The following TBC1D5 variants were observed in gnomAD, a reference collection of about 807,000 sequenced individuals.
The protein encoded by TBC1D5 is TBC1 domain family member 5.
A neutral mutation model predicts 100.3 loss-of-function variants in TBC1D5; 75 were observed. The ratio of observed to expected loss-of-function variants is 0.75; its 90% CI spans 0.62 to 0.91. The LOEUF is 0.91. TBC1D5 is among the 40% of genes least tolerant of loss of function. The pLI, the probability that TBC1D5 is intolerant of heterozygous loss-of-function variation, is 0.00. For missense variants in TBC1D5, 910 were observed against 942.4 expected, an observed-to-expected ratio of 0.97 and a Z score of 0.45; for synonymous variants, 323 against 325.6, an observed-to-expected ratio of 0.99 and a Z score of 0.09.
chr3:17,707,555 C>G (rs916869254), intron 1 of TBC1D5, among the ~76,000 whole-genome samples: 3 of 152,042 alleles, frequency 2.0e-5, no homozygotes, highest in Non-Finnish European at 2.9e-5. Context: ...TAGAAGAAAT[C>G]TGTCATGTTT....
intron 13 of TBC1D5, among the ~76,000 whole-genome samples, chr3:17,369,188 A>C (rs2092334110): frequency 6.6e-6 from 1 of 152,166 alleles, no homozygotes; most frequent in African/African-American, 2.4e-5. Flanking sequence ...CACGGCTATT[A>C]TAAGTTTGCA....
At chr3:17,624,238 A>G (rs2062889690) in intron 1 of TBC1D5, among the ~76,000 whole-genome samples, 1 of 152,176 alleles carries the variant, frequency 6.6e-6, no homozygotes, top group Non-Finnish European at 1.5e-5. Flanking sequence ...AATTCTCTTT[A>G]TGTTTCTTGA....
chr3:17,603,163 T>G (rs1176442659), intron 2 of TBC1D5, among the ~76,000 whole-genome samples: 3 of 151,362 alleles, frequency 2.0e-5, no homozygotes, highest in Non-Finnish European at 4.4e-5. Context: ...TGGTTTTTTT[T>G]TTTTTTTTTT....
intron 13 of TBC1D5, among the ~76,000 whole-genome samples, chr3:17,359,451 G>T (rs1335108491): frequency 6.6e-6 from 1 of 151,988 alleles, no homozygotes; most frequent in Non-Finnish European, 1.5e-5. Flanking sequence ...TGTCCTTAAA[G>T]TAACTTTACA....
At chr3:17,582,597 A>T (rs754357042) in intron 2 of TBC1D5, among the ~76,000 whole-genome samples, 2 of 152,016 alleles carry the variant, frequency 1.3e-5, no homozygotes, top group African/African-American at 2.4e-5. Context: ...TGAGGTTGAG[A>T]AATGTCTTCA....
intron 14 of TBC1D5, 69 bp downstream of exon 14, chr3:17,307,923 T>G: frequency 1.1e-5 from 17 of 1,561,142 alleles, no homozygotes; most frequent in Non-Finnish European, 1.5e-5. Flanking sequence ...CAAAGTCTAT[T>G]TAAAAGGCAA....
rs2066745305 is a variant in TBC1D5 at position 17,167,479 on chromosome 3, C to CT, written c.1932+269dup. Among the ~76,000 whole-genome samples, 6 of 152,324 alleles carry CT rather than the reference C, an allele frequency of 3.9e-5. No homozygotes were observed. The South Asian group carries it at 1.2e-3, about 32-fold the overall frequency. On this transcript the variant is annotated intron_variant, in intron 20 of 21. Coordinates refer to ENST00000253692, the Ensembl canonical transcript of TBC1D5. ...TGAACATGATGCTGGTCTACCCACA[C>CT]TAGCTTTGGGTAAGGAACAAACAGA... is the stretch of plus-strand genomic sequence containing the variant.
intron 3 of TBC1D5, among the ~76,000 whole-genome samples, chr3:17,457,037 G>A (rs1459197884): frequency 1.3e-5 from 2 of 151,914 alleles, no homozygotes; most frequent in African/African-American, 4.8e-5. Context: ...TATTTTGGGG[G>A]GTAGAATCTT....
At chr3:17,575,909 T>C (rs1335190561) in intron 2 of TBC1D5, among the ~76,000 whole-genome samples, 3 of 152,258 alleles carry the variant, frequency 2.0e-5, no homozygotes, top group Middle Eastern at 3.4e-3. Flanking sequence ...ATTTAGAAAT[T>C]AAATTCTTGG....
intron 21 of TBC1D5, among the ~76,000 whole-genome samples, chr3:17,164,425 A>C (rs1005972380): frequency 1.3e-5 from 2 of 152,234 alleles, no homozygotes; most frequent in African/African-American, 4.8e-5. Flanking sequence ...TGGTGCTTAC[A>C]TCTCCAATGT....
intron 10 of TBC1D5, among the ~76,000 whole-genome samples, chr3:17,375,197 T>C (rs2092655535): frequency 6.6e-6 from 1 of 152,144 alleles, no homozygotes; most frequent in Non-Finnish European, 1.5e-5. Context: ...TTCAATCACC[T>C]ATATTTTTTT....
chr3:17,352,190 T>A (rs1036143661), intron 13 of TBC1D5, among the ~76,000 whole-genome samples: 3 of 152,138 alleles, frequency 2.0e-5, no homozygotes, highest in Non-Finnish European at 4.4e-5. Context: ...TATACATACA[T>A]CTATTTCACG....
chr3:17,730,989 T>C (rs2076506358), intron 1 of TBC1D5, among the ~76,000 whole-genome samples: 1 of 151,976 alleles, frequency 6.6e-6, no homozygotes, highest in African/African-American at 2.4e-5. Flanking sequence ...TATAGAGTAT[T>C]TGGCCAAACA....
intron 17 of TBC1D5, among the ~76,000 whole-genome samples, chr3:17,227,858 T>TG (rs1224641657): frequency 6.6e-6 from 1 of 151,970 alleles, no homozygotes; most frequent in African/African-American, 2.4e-5. Flanking sequence ...AAAAGTTTTT[T>TG]TTTTTTTTTT....
At chr3:17,480,424 T>C (rs1464806799) in intron 3 of TBC1D5, among the ~76,000 whole-genome samples, 2 of 152,200 alleles carry the variant, frequency 1.3e-5, no homozygotes, top group Non-Finnish European at 2.9e-5. Flanking sequence ...TGACAACTTA[T>C]GGTGCTTTTT....
intron 1 of TBC1D5, among the ~76,000 whole-genome samples, chr3:17,653,536 G>A (rs1440349097): frequency 6.6e-6 from 1 of 152,058 alleles, no homozygotes; most frequent in Non-Finnish European, 1.5e-5. Context: ...TGAAGGTCAT[G>A]AAAGACAAGG....
At chr3:17,490,656 C>A (rs35767909) in intron 3 of TBC1D5, among the ~76,000 whole-genome samples, 168 of 152,234 alleles carry the variant, frequency 1.1e-3, no homozygotes, top group African/African-American at 3.9e-3. Context: ...GTTCTCTATT[C>A]TGTTCCATTG....
chr3:17,612,888 CTTT>C (rs1236647091), intron 2 of TBC1D5, among the ~76,000 whole-genome samples: 1 of 131,882 alleles, frequency 7.6e-6, no homozygotes, highest in African/African-American at 2.7e-5. Context: ...GCCCCCTTTT[CTTT>C]TTTTTTTTTT....
chr3:17,521,522 C>T, intron 2 of TBC1D5, among the ~76,000 whole-genome samples: 1 of 152,106 alleles, frequency 6.6e-6, no homozygotes, highest in Non-Finnish European at 1.5e-5. Flanking sequence ...AGTAGGCTAT[C>T]AGTAGTCAAA....
Sources: gnomAD v4.1 joint callset for allele counts (sites outside exome capture counted in the v4.1 genomes callset) on GRCh38, gnomAD v4.1.1 for gene constraint, MANE v1.5 for transcripts, NCBI Gene and HGNC (gene_info 2026-07-23, HGNC 2026-07-21) for gene names.